Variants in OGG1 observed in about 807,000 individuals in gnomAD.
OGG1 encodes N-glycosylase/DNA lyase.
In OGG1, 35 loss-of-function variants were observed where a neutral mutation model predicts 42.3. The observed-to-expected ratio is 0.83, with a 90% CI of 0.63 to 1.10. OGG1 has a LOEUF of 1.10. Ranked by LOEUF, OGG1 falls within the 50% of genes least tolerant of loss-of-function variation. The pLI is 0.00. For synonymous variants in OGG1, 189 were observed against 179.0 expected, an observed-to-expected ratio of 1.06 and a Z score of -0.44; for missense variants, 484 against 446.7, an observed-to-expected ratio of 1.08 and a Z score of -0.75.
downstream of OGG1, chr3:9,761,641 C>T (rs2077878821): frequency 8.1e-6 from 13 of 1,614,134 alleles, no homozygotes; most frequent in Middle Eastern, 8.2e-4. Flanking sequence ...CCACGTATCC[C>T]GGAGTTCCAC....
intron 2 of OGG1, among the ~76,000 whole-genome samples, chr3:9,772,871 A>G (rs1324050252): frequency 6.6e-6 from 1 of 152,196 alleles, no homozygotes; most frequent in African/African-American, 2.4e-5. Flanking sequence ...TCACATTTTT[A>G]GTACAATTCT....
chr3:9,759,909 C>A (rs1383674102), downstream of OGG1: 19 of 1,186,000 alleles, frequency 1.6e-5, no homozygotes, highest in Admixed American at 9.3e-5. Flanking sequence ...TCTTCAGGCC[C>A]TCCCACCCCG....
At position 9,787,558 on chromosome 3, in the gene OGG1, A is replaced by C. The variant is rs146150221; in HGVS notation, c.383-170A>C. 1.1e-4 allele frequency: 109 copies of C among 977,394 alleles called. 1 individual carries two copies. The East Asian group carries it at 2.5e-3, about 23-fold the overall frequency. 60.5% of individuals were successfully genotyped at this position (977,394 alleles called of 1,614,324 possible). On this transcript the variant is annotated intron_variant, in intron 3 of 3. Coordinates refer to the OGG1 transcript ENST00000426518. The stretch of plus-strand genomic sequence containing the variant: ...AAAAGAACTAAGACACACACACAGA[A>C]GCCAATCTGAAATAATTCCCAAGAT...
intron 3 of OGG1, among the ~76,000 whole-genome samples, chr3:9,752,911 C>T (rs973305864): frequency 6.6e-6 from 1 of 151,932 alleles, no homozygotes; most frequent in African/African-American, 2.4e-5. Flanking sequence ...ATTAGTCAGG[C>T]GTGATGGCAG....
At chr3:9,784,038 C>T (rs771190912) in intron 3 of OGG1, 14 of 1,613,866 alleles carry the variant, frequency 8.7e-6, no homozygotes, top group Admixed American at 1.7e-5. Context: ...CTCAGCAGGT[C>T]GTGCTTCTTG....
downstream of OGG1, chr3:9,789,491 A>C: frequency 3.7e-6 from 6 of 1,608,714 alleles, no homozygotes; most frequent in Non-Finnish European, 5.1e-6. Context: ...CATGTCTATC[A>C]AGGCCCAGAG....
chr3:9,789,853 C>T (rs770160484), downstream of OGG1: 16 of 1,614,266 alleles, frequency 9.9e-6, 1 homozygote, highest in South Asian at 1.8e-4. Context: ...CCTTCCCTTC[C>T]AGTTTCTGCT....
intron 2 of OGG1, among the ~76,000 whole-genome samples, chr3:9,780,931 G>C (rs2078445441): frequency 6.6e-6 from 1 of 152,108 alleles, no homozygotes; most frequent in South Asian, 2.1e-4. Context: ...TTGAGCCCAG[G>C]AGTTCGAGAC....
chr3:9,749,991 A>G lies in OGG1; in HGVS notation c.-296A>G, dbSNP rs757881432. 1.7e-5 allele frequency: 8 copies of G among 465,912 alleles called. No individual in the cohort carries two copies. The highest frequency in any genetic ancestry group is 3.1e-5 in the Non-Finnish European group (8 of 256,986). The allele number at this position is 465,912 out of a possible 1,614,324, so 28.9% of individuals were successfully genotyped here. A position where few individuals can be genotyped will look rare whatever the true frequency, so the allele number is the denominator to read the frequency against. The stretch of plus-strand genomic sequence containing the variant: ...CTGCCCCTGGAGAACCCAGAAGAAC[A>G]CAGCTGTGCGCGCCCACAGGCTCTG... On this transcript the variant is annotated 5_prime_UTR_variant, in exon 1 of 7. Transcript: ENST00000344629.
chr3:9,790,545 C>T (rs2078704362), downstream of OGG1, among the ~76,000 whole-genome samples: 1 of 152,180 alleles, frequency 6.6e-6, no homozygotes, highest in African/African-American at 2.4e-5. Context: ...TACTGAGGAC[C>T]AGAAAGCCCA....
intron 3 of OGG1, among the ~76,000 whole-genome samples, chr3:9,753,747 C>G (rs766939484): frequency 2.6e-5 from 4 of 152,178 alleles, no homozygotes; most frequent in Non-Finnish European, 5.9e-5. Context: ...TCCGGCTTCT[C>G]TTAGCTTGTT....
chr3:9,788,539 C>T (rs1163620346), downstream of OGG1, among the ~76,000 whole-genome samples: 1 of 148,868 alleles, frequency 6.7e-6, no homozygotes, highest in Non-Finnish European at 1.5e-5. Context: ...GCCACCGCAC[C>T]CGGCTTTTTT....
chr3:9,778,483 T>C (rs1435229382), intron 2 of OGG1, among the ~76,000 whole-genome samples: 2 of 152,322 alleles, frequency 1.3e-5, no homozygotes, highest in East Asian at 1.9e-4. Context: ...TGGGCTGATA[T>C]ATGTGGGAAG....
chr3:9,753,700 A>G (rs889563520), intron 3 of OGG1, among the ~76,000 whole-genome samples: 3 of 151,740 alleles, frequency 2.0e-5, no homozygotes, highest in Non-Finnish European at 2.9e-5. Context: ...CTCCTGGCTT[A>G]GTTAGTCATA....
chr3:9,773,948 C>T (rs998749094), intron 2 of OGG1, among the ~76,000 whole-genome samples: 1 of 152,106 alleles, frequency 6.6e-6, no homozygotes, highest in South Asian at 2.1e-4. Flanking sequence ...TCAAGTGATC[C>T]TCCTGCTTGG....
At chr3:9,765,886 C>A (rs765645330) in exon 8 of OGG1, 55 of 1,614,086 alleles carry the variant, frequency 3.4e-5, no homozygotes, top group Non-Finnish European at 4.0e-5. Flanking sequence ...TCCGAGAAGG[C>A]CCCCCTATCG....
At chr3:9,778,384 T>A (rs961088691) in intron 2 of OGG1, among the ~76,000 whole-genome samples, 3 of 152,224 alleles carry the variant, frequency 2.0e-5, no homozygotes, top group Admixed American at 6.5e-5. Context: ...TCATCTTTCT[T>A]TTTGCCAAAA....
intron 3 of OGG1, among the ~76,000 whole-genome samples, chr3:9,784,936 G>A (rs2078572350): frequency 6.6e-6 from 1 of 151,880 alleles, no homozygotes; most frequent in Non-Finnish European, 1.5e-5. Flanking sequence ...TCCATACTGG[G>A]CTACAACTAA....
rs2078537040 is a variant in OGG1 at position 9,783,762 on chromosome 3, T to C, written c.382+2162T>C. The C allele has an allele frequency of 6.9e-6, 3 of 435,302 alleles. No individual in the cohort carries two copies. In the South Asian group the frequency reaches 1.1e-4, roughly 16 times the overall value. 27.0% of individuals were successfully genotyped at this position (435,302 alleles called of 1,614,324 possible). A position where few individuals can be genotyped will look rare whatever the true frequency, so the allele number is the denominator to read the frequency against. On this transcript the variant is annotated intron_variant, in intron 3 of 3. Coordinates refer to the OGG1 transcript ENST00000426518. ...CACTGCACTCCAGCCTGGGTGACAG[T>C]GCGAGACTCCCTCTCAAAAAAAAAC...
Sources: allele counts gnomAD v4.1 joint callset (sites outside exome capture counted in the v4.1 genomes callset), GRCh38; gene constraint gnomAD v4.1.1; transcripts MANE v1.5; gene names NCBI Gene and HGNC (gene_info 2026-07-23, HGNC 2026-07-21).